Variants in MYO6 observed in about 807,000 individuals in gnomAD.
MYO6 encodes unconventional myosin-VI.
A neutral mutation model predicts 178.7 loss-of-function variants in MYO6; 74 were observed. The observed-to-expected ratio is 0.41, with a 90% CI of 0.34 to 0.50. MYO6 has a LOEUF of 0.50. Ranked by LOEUF, MYO6 falls within the 20% of genes least tolerant of loss-of-function variation. The pLI, the probability that MYO6 is intolerant of heterozygous loss-of-function variation, is 0.09. For synonymous variants in MYO6, 477 were observed against 504.6 expected (o/e 0.95, Z 0.73); for missense variants, 1,330 against 1,547.4 (o/e 0.86, Z 2.36).
rs779079642 is a variant in MYO6, at chr6:75,911,638, T to A, written c.3413-34T>A. The A allele has an allele frequency of 3.8e-6, 6 of 1,594,836 alleles. No homozygotes were observed. In the Admixed American group the frequency reaches 6.7e-5, roughly 18 times the overall value. On this transcript the variant is annotated intron_variant, in intron 32 of 34. Coordinates refer to ENST00000369977, the MANE Select transcript of MYO6 (RefSeq NM_004999.4). ...GCTCATTTAACAGTTTTGGCATTTT[T>A]ATCTTTTCTTCAACATAAAATATTT...
In MYO6 at chr6:75,817,587, G is replaced by C; in HGVS notation, c.40G>C (p.Asp14His). Residue 14 changes from aspartate to histidine, a missense_variant, in exon 2 of 35, where the codon GAT (aspartate) becomes CAT (histidine). Physicochemically the swap from Asp to His is moderately conservative, Grantham distance 81. Coordinates refer to ENST00000369977, the MANE Select transcript of MYO6 (RefSeq NM_004999.4). ...GCCCGTTTGGGCGCCACACCCTACAGATGGATTTCAGATGGGCAATATTGT... is the reference window on the plus strand; with the variant it reads ...GCCCGTTTGGGCGCCACACCCTACACATGGATTTCAGATGGGCAATATTGT... ...GKPVWAPHPT[D>H]GFQMGNIVDI... 6.2e-7 allele frequency: 1 copy of C among 1,614,228 alleles called. No individual in the cohort carries two copies. Among genetic ancestry groups the C allele is most frequent in the Non-Finnish European group, 8.5e-7 (1 of 1,180,032 alleles).
At chr6:75,808,196 AC>A (rs1303802585) in intron 1 of MYO6, among the ~76,000 whole-genome samples, 3 of 152,196 alleles carry the variant, frequency 2.0e-5, no homozygotes, top group African/African-American at 7.2e-5. Flanking sequence ...AATACCACAA[AC>A]GTTTGTATTC....
At chr6:75,753,294 C>T (rs1471520616) in intron 1 of MYO6, among the ~76,000 whole-genome samples, 2 of 151,792 alleles carry the variant, frequency 1.3e-5, no homozygotes, top group African/African-American at 4.8e-5. Context: ...ACTGTAAATA[C>T]AAAACCACCA....
In MYO6 at chr6:75,916,509, G is replaced by A. The variant is rs971631010; in HGVS notation, c.*1497G>A. 6.6e-6 allele frequency: 1 copy of A among 152,586 alleles called. No homozygotes were observed. The highest frequency in any genetic ancestry group is 1.5e-5 in the Non-Finnish European group (1 of 68,022). 9.5% of individuals were successfully genotyped at this position (152,586 alleles called of 1,614,324 possible). The stretch of plus-strand genomic sequence containing the variant: ...AATGCAAATGTGATTATCTTTTGAA[G>A]GCTGTATTACTGCATAGCTTCACCC... On this transcript the variant is annotated 3_prime_UTR_variant, in exon 35 of 35. Transcript: ENST00000369977.
intron 28 of MYO6, chr6:75,894,711 C>T (rs1194880828): frequency 5.8e-6 from 4 of 693,816 alleles, no homozygotes; most frequent in Non-Finnish European, 8.7e-6. Context: ...GTAAACTGTT[C>T]TTAATCTATA....
Position 75,749,432 on chromosome 6 carries a change from C to T in MYO6, c.-48+9C>T, listed in dbSNP as rs1776645975. On this transcript the variant is annotated intron_variant, in intron 1 of 34. Coordinates refer to ENST00000369977, the MANE Select transcript of MYO6 (RefSeq NM_004999.4). ...CCTTCGCTCCCGCACCGGTGAGTGT[C>T]CCAGAGACCCACTGCGGGGCGTCGG... The T allele has an allele frequency of 6.6e-6, 1 of 152,310 alleles. No homozygotes were observed. Among genetic ancestry groups the T allele is most frequent in the Non-Finnish European group, 1.5e-5 (1 of 68,140 alleles). 9.4% of individuals were successfully genotyped at this position (152,310 alleles called of 1,614,324 possible). A position where few individuals can be genotyped will look rare whatever the true frequency, so the allele number is the denominator to read the frequency against.
intron 30 of MYO6, among the ~76,000 whole-genome samples, chr6:75,900,657 C>T (rs535479818): frequency 7.2e-4 from 109 of 152,136 alleles, no homozygotes; most frequent in Admixed American, 1.7e-3. Flanking sequence ...GAGTAGGTTG[C>T]GAAAATTTTC....
intron 1 of MYO6, among the ~76,000 whole-genome samples, chr6:75,785,607 G>A (rs1767476786): frequency 6.6e-6 from 1 of 151,082 alleles, no homozygotes; most frequent in East Asian, 1.9e-4. Context: ...ATATAGGCAC[G>A]TGCTACCACT....
rs566418791 is a variant in MYO6 at position 75,763,278 on chromosome 6, C to T, written c.-48+13855C>T. On this transcript the variant is annotated intron_variant, in intron 1 of 34. Coordinates refer to ENST00000369977, the MANE Select transcript of MYO6 (RefSeq NM_004999.4). The stretch of plus-strand genomic sequence containing the variant: ...TGACCTCATGATCCACCCACCTTGG[C>T]CTCCCAAAGTGCTGGGATTACAGGC... Among the ~76,000 whole-genome samples the T allele has an allele frequency of 4.6e-5, 7 of 152,262 alleles. No homozygotes were observed. In the South Asian group the frequency reaches 1.2e-3, roughly 27 times the overall value.
In MYO6 at chr6:75,881,728, C is replaced by T. The variant is rs754203374; in HGVS notation, c.2326C>T (p.His776Tyr). ...FDQIMKSDPD[H>Y]LAELVKRVNH... Reference sequence around the variant, plus strand: ...TCAGATCATGAAGTCTGACCCTGACCACTTAGCAGAGTTGGTTAAAAGAGT... The same window carrying T: ...TCAGATCATGAAGTCTGACCCTGACTACTTAGCAGAGTTGGTTAAAAGAGT... Residue 776 changes from histidine to tyrosine, a missense_variant, in exon 23 of 35, where the codon CAC becomes TAC. Transcript: ENST00000369977. The T allele has an allele frequency of 6.2e-7, 1 of 1,613,990 alleles. No individual in the cohort carries two copies. The highest frequency in any genetic ancestry group is 8.5e-7 in the Non-Finnish European group (1 of 1,179,886).
Position 75,822,032 on chromosome 6 carries a change from A to G in MYO6, c.118-750A>G, listed in dbSNP as rs558452445. On this transcript the variant is annotated intron_variant, in intron 2 of 34. Transcript: ENST00000369977. ...TTTTACTGAAACAATAGCTATTAATATAACCCTCTGGTTATCTGATTGAAT... is the reference window on the plus strand; with the variant it reads ...TTTTACTGAAACAATAGCTATTAATGTAACCCTCTGGTTATCTGATTGAAT... 9.3e-5 allele frequency among the ~76,000 whole-genome samples: 14 copies of G among 151,132 alleles called. No homozygotes were observed. In the South Asian group the frequency reaches 2.5e-3, roughly 27 times the overall value.
At chr6:75,874,788 G>T (rs1414111785) in intron 20 of MYO6, among the ~76,000 whole-genome samples, 8 of 152,118 alleles carry the variant, frequency 5.3e-5, no homozygotes, top group African/African-American at 1.9e-4. Context: ...TTCTCTCCAA[G>T]AATAGGTTAT....
chr6:75,753,284 A>G (rs1162171240), intron 1 of MYO6, among the ~76,000 whole-genome samples: 1 of 152,022 alleles, frequency 6.6e-6, no homozygotes, highest in East Asian at 1.9e-4. Flanking sequence ...TTCATATTCA[A>G]CTGTAAATAC....
rs11964034 is a variant in MYO6 at position 75,918,952 on chromosome 6, T to C, written c.*3940T>C. ...GGCCAACATGGTGAAACCCTGTCTC[T>C]ACTAAAAATACAAAACATTAGCCAG... On this transcript the variant is annotated 3_prime_UTR_variant, in exon 35 of 35. Transcript: ENST00000369977. The C allele has an allele frequency of 0.34, 51,699 of 152,034 alleles. 8,957 individuals are homozygous for C. The highest frequency in any genetic ancestry group is 0.42 in the Admixed American group (6,489 of 15,270). 9.4% of individuals were successfully genotyped at this position (152,034 alleles called of 1,614,324 possible).
intron 1 of MYO6, among the ~76,000 whole-genome samples, chr6:75,758,552 C>T (rs964229005): frequency 2.0e-5 from 3 of 152,022 alleles, no homozygotes; most frequent in African/African-American, 4.8e-5. Context: ...GCTCCGCCTC[C>T]TGGGTTCACG....
At chr6:75,900,020 A>G (rs938289416) in intron 30 of MYO6, among the ~76,000 whole-genome samples, 3 of 151,592 alleles carry the variant, frequency 2.0e-5, no homozygotes, top group African/African-American at 7.3e-5. Context: ...TTTACTGAGA[A>G]TGATGATTTC....
chr6:75,908,777 A>G (rs999659233), intron 32 of MYO6, 150 bp downstream of exon 32: 11 of 731,908 alleles, frequency 1.5e-5, no homozygotes, highest in African/African-American at 5.4e-5. Context: ...TTGATGGCCT[A>G]TCTTTTATAG....
At chr6:75,804,061 T>C (rs191627090) in intron 1 of MYO6, among the ~76,000 whole-genome samples, 1 of 152,330 alleles carries the variant, frequency 6.6e-6, no homozygotes, top group Admixed American at 6.5e-5. Flanking sequence ...GCCTGACTAA[T>C]GTTCATGCTT....
At chr6:75,895,176 A>G (rs574625690) in intron 28 of MYO6, 55 bp from the exon 29 acceptor site, 185 of 1,391,796 alleles carry the variant, frequency 1.3e-4, no homozygotes, top group Non-Finnish European at 1.8e-4. Flanking sequence ...CACAATCCAG[A>G]TTTTCACAGT....
Sources: gnomAD v4.1 joint callset for allele counts (sites outside exome capture counted in the v4.1 genomes callset) on GRCh38, gnomAD v4.1.1 for gene constraint, MANE v1.5 for transcripts, NCBI Gene and HGNC (gene_info 2026-07-23, HGNC 2026-07-21) for gene names.